SEMA3A: variants seen among roughly 807,000 people sequenced by gnomAD.
SEMA3A encodes the protein semaphorin-3A.
In SEMA3A, 29 loss-of-function variants were observed where a neutral mutation model predicts 97.9. That is an observed-to-expected ratio of 0.30 (90% CI 0.22 to 0.40). SEMA3A has a LOEUF of 0.40. SEMA3A is among the 10% of genes least tolerant of loss of function. The pLI is 1.00. For missense variants in SEMA3A, 763 were observed against 951.3 expected (o/e 0.80, Z 2.60); for synonymous variants, 321 against 323.7 (o/e 0.99, Z 0.09).
At chr7:84,380,161 T>C (rs758806749) in intron 1 of SEMA3A, among the ~76,000 whole-genome samples, 1 of 152,284 alleles carries the variant, frequency 6.6e-6, no homozygotes, top group South Asian at 2.1e-4. Context: ...CATAACAAAG[T>C]ATCATAAAGA....
chr7:84,023,251 C>T (rs1791392333), intron 6 of SEMA3A, among the ~76,000 whole-genome samples: 1 of 152,194 alleles, frequency 6.6e-6, no homozygotes, highest in Non-Finnish European at 1.5e-5. Flanking sequence ...ATAATGAATG[C>T]ATTTTGCTGC....
At chr7:84,461,449 T>C (rs563290047) in intron 1 of SEMA3A, among the ~76,000 whole-genome samples, 2 of 140,646 alleles carry the variant, frequency 1.4e-5, no homozygotes, top group Non-Finnish European at 3.1e-5. Context: ...TTTTGATGCA[T>C]AAATACTTGG....
intron 2 of SEMA3A, among the ~76,000 whole-genome samples, chr7:84,359,446 G>A (rs1802654863): frequency 2.0e-5 from 3 of 152,082 alleles, no homozygotes; most frequent in Admixed American, 6.6e-5. Flanking sequence ...TATGTTTATT[G>A]ATTTGCGTAT....
chr7:84,160,266 TATCTATCTATC>T (rs1282824006), intron 1 of SEMA3A, among the ~76,000 whole-genome samples: 2 of 100,214 alleles, frequency 2.0e-5, no homozygotes, highest in East Asian at 5.2e-4. Flanking sequence ...TCTATCTATC[TATCTATCTATC>T]GTTAGTTCGT....
intron 5 of SEMA3A, among the ~76,000 whole-genome samples, chr7:84,056,261 T>C (rs1045612667): frequency 6.6e-6 from 1 of 152,216 alleles, no homozygotes; most frequent in Non-Finnish European, 1.5e-5. Context: ...TATGGCTTAG[T>C]TGCCTGAGAA....
At chr7:84,387,813 C>T (rs1803438233) in intron 1 of SEMA3A, among the ~76,000 whole-genome samples, 1 of 152,084 alleles carries the variant, frequency 6.6e-6, no homozygotes, top group Non-Finnish European at 1.5e-5. Flanking sequence ...TCTTACTAAA[C>T]AATTTGAGTT....
In SEMA3A at chr7:84,424,382, A is replaced by C. The variant is rs192882247; in HGVS notation, c.-245-52482T>G. Among the ~76,000 whole-genome samples, 1,701 of 137,166 alleles carry C rather than the reference A, an allele frequency of 0.012. 78 individuals carry two copies. The East Asian group carries it at 0.15, about 12-fold the overall frequency. 90.0% of individuals were successfully genotyped at this position (137,166 alleles called of 152,430 possible). A position where few individuals can be genotyped will look rare whatever the true frequency, so the allele number is the denominator to read the frequency against. On this transcript the variant is annotated intron_variant, in intron 1 of 3. Transcript: ENST00000424555. ...ATATAAAATAATAATATAATATACAATAATATAATACAATATGAAATATAA... is the reference window on the plus strand; with the variant it reads ...ATATAAAATAATAATATAATATACACTAATATAATACAATATGAAATATAA...
chr7:84,249,857 A>T (rs73709790), intron 3 of SEMA3A, among the ~76,000 whole-genome samples: 2,612 of 151,824 alleles, frequency 0.017, 77 homozygotes, highest in African/African-American at 0.06. Flanking sequence ...GTAAAAAATA[A>T]GAAAATTATT....
chr7:84,252,399 A>G (rs1430410868), intron 3 of SEMA3A, among the ~76,000 whole-genome samples: 1 of 152,208 alleles, frequency 6.6e-6, no homozygotes, highest in African/African-American at 2.4e-5. Context: ...AAACCACGCA[A>G]TAACACAGAA....
At chr7:84,288,777 G>T (rs1482869561) in intron 3 of SEMA3A, among the ~76,000 whole-genome samples, 6 of 152,032 alleles carry the variant, frequency 3.9e-5, no homozygotes, top group Admixed American at 2.0e-4. Flanking sequence ...ATTGTTTGGT[G>T]GGCATGTGAA....
intron 1 of SEMA3A, among the ~76,000 whole-genome samples, chr7:84,179,840 C>A (rs1442508084): frequency 6.6e-6 from 1 of 150,740 alleles, no homozygotes; most frequent in Non-Finnish European, 1.5e-5. Flanking sequence ...ATCAGAGTTA[C>A]CCCGGACCCC....
chr7:84,078,684 A>G (rs1794038434), intron 4 of SEMA3A, among the ~76,000 whole-genome samples: 1 of 151,948 alleles, frequency 6.6e-6, no homozygotes, highest in Non-Finnish European at 1.5e-5. Context: ...AGTATCATAA[A>G]TCTCCATAGC....
chr7:84,376,850 T>TTATG (rs144265483), intron 1 of SEMA3A, among the ~76,000 whole-genome samples: 28,420 of 151,324 alleles, frequency 0.19, 2,686 homozygotes, highest in Non-Finnish European at 0.22. Context: ...AGATTTATTT[T>TTATG]TATGTATGTA....
chr7:84,138,213 T>C (rs1161120958), intron 1 of SEMA3A, among the ~76,000 whole-genome samples: 1 of 149,634 alleles, frequency 6.7e-6, no homozygotes, highest in Non-Finnish European at 1.5e-5. Flanking sequence ...GAAAACTATA[T>C]ATATTTTTTT....
At chr7:84,297,867 A>G (rs556971841) in intron 3 of SEMA3A, among the ~76,000 whole-genome samples, 1 of 152,340 alleles carries the variant, frequency 6.6e-6, no homozygotes, top group South Asian at 2.1e-4. Context: ...ATTTCAGTCT[A>G]TACTCCCACT....
chr7:84,373,775 T>G (rs1260724331), intron 1 of SEMA3A, among the ~76,000 whole-genome samples: 1 of 152,186 alleles, frequency 6.6e-6, no homozygotes, highest in Non-Finnish European at 1.5e-5. Context: ...AATAATAACA[T>G]TCAATTTTCA....
chr7:84,108,722 T>C (rs1795187466), intron 4 of SEMA3A, among the ~76,000 whole-genome samples: 1 of 152,022 alleles, frequency 6.6e-6, no homozygotes. Flanking sequence ...CTAAGCGACA[T>C]GGTGAAACCC....
chr7:84,281,218 G>A (rs528275373), intron 3 of SEMA3A, among the ~76,000 whole-genome samples: 4 of 152,176 alleles, frequency 2.6e-5, no homozygotes, highest in East Asian at 1.9e-4. Context: ...TAGAAGATTC[G>A]GCCTCCTTAC....
chr7:84,409,299 C>G (rs1253108061), intron 1 of SEMA3A, among the ~76,000 whole-genome samples: 2 of 151,172 alleles, frequency 1.3e-5, no homozygotes, highest in African/African-American at 2.4e-5. Flanking sequence ...ACCACATGTA[C>G]CCCATAAATA....
Sources: allele counts gnomAD v4.1 joint callset (sites outside exome capture counted in the v4.1 genomes callset), GRCh38; gene constraint gnomAD v4.1.1; transcripts MANE v1.5; gene names NCBI Gene and HGNC (gene_info 2026-07-23, HGNC 2026-07-21).